Variants in RAB38 observed in about 807,000 individuals in gnomAD.
The protein encoded by RAB38 is ras-related protein Rab-38.
A neutral mutation model predicts 18.4 loss-of-function variants in RAB38; 15 were observed. That is an observed-to-expected ratio of 0.82 (90% CI 0.55 to 1.26). The LOEUF (loss-of-function observed/expected upper bound fraction) is 1.26. RAB38 is among the 50% of genes most tolerant of loss of function. RAB38 has a pLI of 0.00. For missense variants in RAB38, 294 were observed against 267.4 expected (o/e 1.10, Z -0.69); for synonymous variants, 101 against 104.4 (o/e 0.97, Z 0.20).
At chr11:88,108,721 C>T (rs965175395), downstream of RAB38, among the ~76,000 whole-genome samples, 4 of 152,118 alleles carry the variant, frequency 2.6e-5, no homozygotes, top group Non-Finnish European at 5.9e-5. Context: ...GTAGTTGATG[C>T]AGTTTCTTCA....
At chr11:87,932,182 T>A in the RAB38 span, among the ~76,000 whole-genome samples, 1 of 151,992 alleles carries the variant, frequency 6.6e-6, no homozygotes, top group Non-Finnish European at 1.5e-5. Context: ...CATGCTGGGC[T>A]TGAAACCTAC....
At chr11:88,008,074 A>C in the RAB38 span, among the ~76,000 whole-genome samples, 1 of 152,154 alleles carries the variant, frequency 6.6e-6, no homozygotes, top group Non-Finnish European at 1.5e-5. Context: ...TGTGGGCAGG[A>C]AGAATGACTG....
At chr11:88,004,608 A>G in the RAB38 span, among the ~76,000 whole-genome samples, 29 of 151,418 alleles carry the variant, frequency 1.9e-4, no homozygotes, top group Non-Finnish European at 1.5e-5. Context: ...TCCAGAAAAC[A>G]TGGTTGAAGT....
the RAB38 span, among the ~76,000 whole-genome samples, chr11:88,048,036 C>T: frequency 1.4e-4 from 21 of 152,196 alleles, 1 homozygote; most frequent in Admixed American, 1.3e-3. Flanking sequence ...AATCTGTCCT[C>T]AAGGAAATCA....
At chr11:88,054,908 T>G in the RAB38 span, among the ~76,000 whole-genome samples, 1 of 152,122 alleles carries the variant, frequency 6.6e-6, no homozygotes, top group Non-Finnish European at 1.5e-5. Flanking sequence ...TTCCCTAGAG[T>G]CAGAGTTGTC....
At chr11:88,103,088 G>A in the RAB38 span, among the ~76,000 whole-genome samples, 29 of 152,030 alleles carry the variant, frequency 1.9e-4, no homozygotes, top group African/African-American at 7.0e-4. Context: ...GATAATTACT[G>A]ATTTAGGAAA....
At chr11:88,143,679 G>A (rs1436905742) in intron 2 of RAB38, among the ~76,000 whole-genome samples, 1 of 152,216 alleles carries the variant, frequency 6.6e-6, no homozygotes, top group East Asian at 1.9e-4. Flanking sequence ...AAAGTCTGGA[G>A]TCAGGTTATT....
At chr11:87,938,644 T>A in the RAB38 span, among the ~76,000 whole-genome samples, 3 of 144,906 alleles carry the variant, frequency 2.1e-5, no homozygotes, top group Non-Finnish European at 4.5e-5. Flanking sequence ...ATTTTGTTGT[T>A]GTTGTTGTTG....
chr11:88,073,043 C>T, the RAB38 span, among the ~76,000 whole-genome samples: 2 of 152,298 alleles, frequency 1.3e-5, no homozygotes, highest in South Asian at 2.1e-4. Context: ...GCACCAAACA[C>T]AGAAAATCTC....
At chr11:87,836,938 T>C in the RAB38 span, among the ~76,000 whole-genome samples, 1 of 152,234 alleles carries the variant, frequency 6.6e-6, no homozygotes, top group East Asian at 1.9e-4. Context: ...TTTATTTAGA[T>C]GTCAGATCTC....
At chr11:87,889,484 A>G in the RAB38 span, among the ~76,000 whole-genome samples, 2 of 151,922 alleles carry the variant, frequency 1.3e-5, no homozygotes, top group Admixed American at 6.6e-5. Flanking sequence ...AATAATTATT[A>G]TAGTTATCAA....
chr11:87,860,572 A>G, the RAB38 span, among the ~76,000 whole-genome samples: 1 of 152,002 alleles, frequency 6.6e-6, no homozygotes, highest in Non-Finnish European at 1.5e-5. Context: ...GTATATAAAT[A>G]AAATTCATAC....
chr11:88,017,374 C>T, the RAB38 span, among the ~76,000 whole-genome samples: 1 of 151,956 alleles, frequency 6.6e-6, no homozygotes, highest in South Asian at 2.1e-4. Flanking sequence ...TACACACACA[C>T]ACACACAAAC....
intron 1 of RAB38, among the ~76,000 whole-genome samples, chr11:88,153,977 G>C (rs1295082465): frequency 5.9e-5 from 9 of 152,152 alleles, no homozygotes. Flanking sequence ...CAAATTCCAG[G>C]GAGGGAACAT....
At chr11:87,976,318 CAG>C in the RAB38 span, among the ~76,000 whole-genome samples, 3 of 132,478 alleles carry the variant, frequency 2.3e-5, no homozygotes, top group African/African-American at 2.9e-5. Context: ...ACACATATAC[CAG>C]AGTTTTTTAT....
chr11:87,813,404 A>T, the RAB38 span, among the ~76,000 whole-genome samples: 1 of 152,174 alleles, frequency 6.6e-6, no homozygotes, highest in Non-Finnish European at 1.5e-5. Flanking sequence ...GATAACCAAG[A>T]CAGGGAAAGT....
At chr11:87,820,643 T>C in the RAB38 span, among the ~76,000 whole-genome samples, 16 of 152,086 alleles carry the variant, frequency 1.1e-4, no homozygotes, top group African/African-American at 3.9e-4. Flanking sequence ...AATAAGCTTA[T>C]GAAAATGAAC....
chr11:87,956,269 CAGCAAAT>C, the RAB38 span, among the ~76,000 whole-genome samples: 11 of 152,086 alleles, frequency 7.2e-5, no homozygotes, highest in African/African-American at 2.4e-4. Flanking sequence ...AAACTACATC[CAGCAAAT>C]AGCAAATAAA....
chr11:88,025,186 CAT>C, the RAB38 span, among the ~76,000 whole-genome samples: 55 of 150,642 alleles, frequency 3.7e-4, no homozygotes, highest in Non-Finnish European at 6.6e-4. Context: ...ATGTGATATA[CAT>C]ATGAGATATA....
Sources: allele counts gnomAD v4.1 joint callset (sites outside exome capture counted in the v4.1 genomes callset), GRCh38; gene constraint gnomAD v4.1.1; transcripts MANE v1.5; gene names NCBI Gene and HGNC (gene_info 2026-07-23, HGNC 2026-07-21).